Variants in POU6F2 observed in about 807,000 individuals in gnomAD.
The protein encoded by POU6F2 is POU domain, class 6, transcription factor 2.
A neutral mutation model predicts 71.3 loss-of-function variants in POU6F2; 31 were observed. That is an observed-to-expected ratio of 0.43 (90% CI 0.33 to 0.59). The LOEUF (loss-of-function observed/expected upper bound fraction) is 0.59, where lower values mean the gene tolerates loss of function less well. Ranked by LOEUF, POU6F2 falls within the 20% of genes least tolerant of loss-of-function variation. POU6F2 has a pLI of 0.04. For missense variants in POU6F2, 783 were observed against 856.8 expected (o/e 0.91, Z 1.07); for synonymous variants, 347 against 355.7 (o/e 0.98, Z 0.27).
intron 1 of POU6F2, among the ~76,000 whole-genome samples, chr7:39,020,792 A>G (rs1418694309): frequency 1.3e-5 from 2 of 149,874 alleles, no homozygotes; most frequent in African/African-American, 4.9e-5. Flanking sequence ...TTTTTTTTTA[A>G]TGTACAGAGT....
At chr7:39,030,943 C>T (rs138231728) in intron 1 of POU6F2, among the ~76,000 whole-genome samples, 12 of 152,128 alleles carry the variant, frequency 7.9e-5, no homozygotes, top group Admixed American at 2.0e-4. Context: ...GCTCTGTCAC[C>T]GGGCTGGAGG....
At chr7:39,430,348 GTC>G (rs1430936763) in intron 6 of POU6F2, among the ~76,000 whole-genome samples, 1 of 152,204 alleles carries the variant, frequency 6.6e-6, no homozygotes, top group African/African-American at 2.4e-5. Context: ...AAGGCAGACT[GTC>G]TTTGTTAAAG....
chr7:39,341,453 T>A (rs919702940), intron 5 of POU6F2, among the ~76,000 whole-genome samples: 21 of 152,212 alleles, frequency 1.4e-4, no homozygotes, highest in African/African-American at 4.8e-4. Flanking sequence ...CATTGTCCAC[T>A]TGACACCTAC....
chr7:39,164,283 G>A (rs904226363), intron 2 of POU6F2, among the ~76,000 whole-genome samples: 7 of 149,648 alleles, frequency 4.7e-5, no homozygotes, highest in South Asian at 2.1e-4. Context: ...TTTTTTTACC[G>A]TCTTTTCCTT....
intron 4 of POU6F2, among the ~76,000 whole-genome samples, chr7:39,223,092 C>CTTGTT (rs1794401308): frequency 6.6e-6 from 1 of 152,096 alleles, no homozygotes; most frequent in Non-Finnish European, 1.5e-5. Context: ...TTGGAGGCTT[C>CTTGTT]TTGTTTTGTT....
chr7:39,015,703 A>ATAGATATATAACATATAGATATAATG, intron 1 of POU6F2, among the ~76,000 whole-genome samples: 1 of 96,300 alleles, frequency 1.0e-5, no homozygotes, highest in Non-Finnish European at 1.9e-5. Flanking sequence ...TATATTATAT[A>ATAGATATATAACATATAGATATAATG]TATCTATGTT....
intron 4 of POU6F2, among the ~76,000 whole-genome samples, chr7:39,303,632 G>T (rs1291114909): frequency 6.6e-6 from 1 of 152,164 alleles, no homozygotes; most frequent in African/African-American, 2.4e-5. Flanking sequence ...TGGAGGCTAG[G>T]CTCACTTCCT....
intron 4 of POU6F2, among the ~76,000 whole-genome samples, chr7:39,249,081 C>T (rs1340156539): frequency 1.3e-5 from 2 of 152,202 alleles, no homozygotes; most frequent in African/African-American, 4.8e-5. Context: ...ATATTCCACC[C>T]ATCCATGCCT....
intron 4 of POU6F2, among the ~76,000 whole-genome samples, chr7:39,308,447 A>C (rs971505870): frequency 1.3e-5 from 2 of 152,204 alleles, no homozygotes. Flanking sequence ...AAGCTTCATC[A>C]GCTTCATGGT....
In POU6F2 at chr7:39,308,509, C is replaced by A. The variant is rs74938219; in HGVS notation, c.599-31133C>A. Among the ~76,000 whole-genome samples the A allele has an allele frequency of 3.2e-3, 489 of 152,282 alleles. 1 individual carries two copies. Among genetic ancestry groups the A allele is most frequent in the South Asian group, 6.4e-3 (31 of 4,824 alleles). On this transcript the variant is annotated intron_variant, in intron 4 of 9. Transcript: ENST00000518318. ...TACACACTTCCTAATCTAGAACCCA[C>A]GGAAAGTTGGTCCTGGACTACAGAT...
At chr7:39,011,805 A>C (rs1408059462) in intron 1 of POU6F2, among the ~76,000 whole-genome samples, 15 of 148,548 alleles carry the variant, frequency 1.0e-4, no homozygotes, top group Admixed American at 1.0e-3. Flanking sequence ...CTGGATATGA[A>C]ATTCTGGGTT....
intron 1 of POU6F2, among the ~76,000 whole-genome samples, chr7:39,027,487 T>A (rs867493776): frequency 2.0e-5 from 3 of 152,156 alleles, no homozygotes; most frequent in Admixed American, 6.6e-5. Flanking sequence ...TCCTCAGGGA[T>A]CTCCATGGAA....
intron 4 of POU6F2, among the ~76,000 whole-genome samples, chr7:39,331,488 C>A (rs149881323): frequency 4.8e-4 from 73 of 151,338 alleles, no homozygotes; most frequent in African/African-American, 1.7e-3. Context: ...GTATCTCACT[C>A]CGGTTTTGTT....
chr7:39,331,801 G>A (rs950873418), intron 4 of POU6F2, among the ~76,000 whole-genome samples: 1 of 152,178 alleles, frequency 6.6e-6, no homozygotes, highest in Non-Finnish European at 1.5e-5. Flanking sequence ...GTGAGCCACC[G>A]CGCCCGGCCT....
At chr7:39,239,971 A>C (rs1783692234) in intron 4 of POU6F2, among the ~76,000 whole-genome samples, 1 of 152,168 alleles carries the variant, frequency 6.6e-6, no homozygotes, top group Non-Finnish European at 1.5e-5. Flanking sequence ...GTTTTCTGTC[A>C]CATCTCCAAG....
chr7:39,062,762 T>C (rs1366117652), intron 1 of POU6F2, among the ~76,000 whole-genome samples: 2 of 150,744 alleles, frequency 1.3e-5, no homozygotes, highest in Non-Finnish European at 3.0e-5. Context: ...TATTAGAAGA[T>C]ACTGGGGGGC....
intron 5 of POU6F2, among the ~76,000 whole-genome samples, chr7:39,384,432 G>A (rs1378716224): frequency 1.3e-5 from 2 of 152,204 alleles, no homozygotes; most frequent in Non-Finnish European, 2.9e-5. Context: ...CTATAGAAAT[G>A]TAGGGCAACA....
intron 4 of POU6F2, among the ~76,000 whole-genome samples, chr7:39,237,047 G>A (rs909524606): frequency 4.6e-5 from 7 of 152,108 alleles, no homozygotes; most frequent in Admixed American, 1.3e-4. Flanking sequence ...CTCAGGGGCC[G>A]TCTGGTGCTA....
chr7:39,400,597 C>T lies in POU6F2; in HGVS notation c.973-6003C>T, dbSNP rs199570520. Reference sequence around the variant, plus strand: ...GCTTCCTTCCCATAGGGTGGGACAACGCTGAGACCCTACAAACACTCCAGA... The same window carrying T: ...GCTTCCTTCCCATAGGGTGGGACAATGCTGAGACCCTACAAACACTCCAGA... On this transcript the variant is annotated intron_variant, in intron 5 of 9. Coordinates refer to ENST00000518318, the MANE Select transcript of POU6F2 (RefSeq NM_001370959.1). Among the ~76,000 whole-genome samples the T allele has an allele frequency of 6.3e-4, 96 of 152,284 alleles. 1 individual carries two copies. The East Asian group carries it at 0.016, about 25-fold the overall frequency.
Sources: allele counts gnomAD v4.1 joint callset (sites outside exome capture counted in the v4.1 genomes callset), GRCh38; gene constraint gnomAD v4.1.1; transcripts MANE v1.5; gene names NCBI Gene and HGNC (gene_info 2026-07-23, HGNC 2026-07-21).